Variants in HECW1 observed in about 807,000 individuals in gnomAD.
The protein encoded by HECW1 is HECT, C2 and WW domain containing E3 ubiquitin protein ligase 1, also known as E3 ubiquitin-protein ligase HECW1.
A neutral mutation model predicts 182.3 loss-of-function variants in HECW1; 61 were observed. That is an observed-to-expected ratio of 0.33 (90% confidence interval 0.27 to 0.41). The LOEUF is 0.41. HECW1 is among the 10% of genes least tolerant of loss of function. HECW1 has a pLI of 1.00. For synonymous variants in HECW1, 859 were observed against 832.6 expected, an observed-to-expected ratio of 1.03 and a Z score of -0.55; for missense variants, 1,739 against 2,108.9, an observed-to-expected ratio of 0.82 and a Z score of 3.44.
At chr7:43,296,847 C>T (rs1413704039) in intron 3 of HECW1, among the ~76,000 whole-genome samples, 2 of 152,202 alleles carry the variant, frequency 1.3e-5, no homozygotes, top group African/African-American at 4.8e-5. Context: ...GTGTCCTCCA[C>T]TTGCCCAAGT....
At chr7:43,311,738 G>T in intron 3 of HECW1, 25 bp from the exon 4 acceptor site, 2 of 1,610,874 alleles carry the variant, frequency 1.2e-6, no homozygotes, top group Non-Finnish European at 1.7e-6. Context: ...CCCTGACCCT[G>T]CTCACTGTCT....
chr7:43,471,343 C>G (rs1438845288), intron 16 of HECW1, among the ~76,000 whole-genome samples: 1 of 152,226 alleles, frequency 6.6e-6, no homozygotes, highest in African/African-American at 2.4e-5. Context: ...CCATAGCTCA[C>G]TATGCAAAAG....
intron 26 of HECW1, among the ~76,000 whole-genome samples, chr7:43,546,219 C>CTTTTTTTT (rs34255651): frequency 2.2e-5 from 2 of 91,872 alleles, no homozygotes; most frequent in African/African-American, 4.2e-5. Context: ...TACCCCCAAC[C>CTTTTTTTT]TTTTTTTTTT....
At chr7:43,131,221 T>G (rs925987685) in intron 2 of HECW1, among the ~76,000 whole-genome samples, 2 of 152,138 alleles carry the variant, frequency 1.3e-5, no homozygotes. Context: ...GCCGAGATCT[T>G]GCCACTGCAC....
chr7:43,452,291 A>G (rs1484615201), intron 12 of HECW1, among the ~76,000 whole-genome samples: 2 of 152,244 alleles, frequency 1.3e-5, no homozygotes, highest in Non-Finnish European at 2.9e-5. Context: ...CTTTCAATGC[A>G]TGAATCTACT....
intron 8 of HECW1, among the ~76,000 whole-genome samples, chr7:43,426,520 G>T (rs1439643160): frequency 1.3e-5 from 2 of 152,090 alleles, no homozygotes; most frequent in Non-Finnish European, 2.9e-5. Flanking sequence ...TACTGTTTTT[G>T]ATTTGCAGCT....
intron 2 of HECW1, among the ~76,000 whole-genome samples, chr7:43,225,409 A>G (rs1352549501): frequency 2.0e-5 from 3 of 152,220 alleles, no homozygotes; most frequent in South Asian, 4.1e-4. Context: ...GGGCTTGTGC[A>G]TACCCTGGGG....
chr7:43,272,554 C>G (rs192779415), intron 3 of HECW1, among the ~76,000 whole-genome samples: 29 of 152,018 alleles, frequency 1.9e-4, no homozygotes, highest in Non-Finnish European at 4.1e-4. Flanking sequence ...ATATAAGCAG[C>G]CAGCAAACAT....
rs577309145 is a variant in HECW1, at chr7:43,243,221, A to G, written c.-31-654A>G. ...GAGGGCCCTGACAGATGATGCCGTC[A>G]GCAACTGTCCCATGCCTGGCATCTC... On this transcript the variant is annotated intron_variant, in intron 2 of 29. Transcript: ENST00000395891. This position sits in a 1 kb window ranked among gnomAD's most constrained non-coding sequence, Gnocchi z 4.0. 1.4e-4 allele frequency among the ~76,000 whole-genome samples: 21 copies of G among 152,208 alleles called. No homozygotes were observed. The highest frequency in any genetic ancestry group is 2.9e-4 in the Non-Finnish European group (20 of 68,028).
intron 2 of HECW1, among the ~76,000 whole-genome samples, chr7:43,206,013 G>A (rs1795444587): frequency 6.6e-6 from 1 of 152,194 alleles, no homozygotes; most frequent in Admixed American, 6.5e-5. Context: ...TTCCTCCCCT[G>A]GACACTGAAA....
intron 26 of HECW1, among the ~76,000 whole-genome samples, chr7:43,546,449 G>A (rs1283402695): frequency 6.6e-6 from 1 of 151,808 alleles, no homozygotes; most frequent in East Asian, 1.9e-4. Context: ...CATCCATAGT[G>A]TTGACATCCT....
At chr7:43,359,751 T>A (rs762132404) in intron 5 of HECW1, among the ~76,000 whole-genome samples, 1 of 152,236 alleles carries the variant, frequency 6.6e-6, no homozygotes, top group Non-Finnish European at 1.5e-5. Flanking sequence ...TTTAAAATGA[T>A]AATTGAAGGC....
intron 3 of HECW1, among the ~76,000 whole-genome samples, chr7:43,262,260 G>A (rs1801262345): frequency 6.6e-6 from 1 of 151,906 alleles, no homozygotes; most frequent in African/African-American, 2.4e-5. Flanking sequence ...GTGTGTGTGT[G>A]TGTGTATAAC....
Position 43,342,949 on chromosome 7 carries a change from C to G in HECW1, c.461-17937C>G, listed in dbSNP as rs912869090. The stretch of plus-strand genomic sequence containing the variant: ...GCTGAGGCAGGAGAATGGCATGAAC[C>G]TGGGAGGTGGAGCTGGCAGTGAGCC... On this transcript the variant is annotated intron_variant, in intron 5 of 29. Coordinates refer to ENST00000395891, the MANE Select transcript of HECW1 (RefSeq NM_015052.5). Among the ~76,000 whole-genome samples the G allele has an allele frequency of 7.9e-5, 12 of 151,558 alleles. 1 individual carries two copies. The highest frequency in any genetic ancestry group is 2.9e-4 in the African/African-American group (12 of 40,898).
chr7:43,355,760 G>C (rs1205720820), intron 5 of HECW1, among the ~76,000 whole-genome samples: 1 of 152,126 alleles, frequency 6.6e-6, no homozygotes, highest in Non-Finnish European at 1.5e-5. Flanking sequence ...GGAGGCTGAG[G>C]CAGGCAGATC....
intron 2 of HECW1, among the ~76,000 whole-genome samples, chr7:43,137,367 C>T (rs1562585307): frequency 6.6e-6 from 1 of 152,248 alleles, no homozygotes; most frequent in East Asian, 1.9e-4. Context: ...TCTAGACCCT[C>T]CAGAGATGTG....
intron 3 of HECW1, among the ~76,000 whole-genome samples, chr7:43,306,003 G>T (rs188811747): frequency 6.6e-6 from 1 of 151,912 alleles, no homozygotes; most frequent in African/African-American, 2.4e-5. Context: ...CAGATGATCC[G>T]CCCACCTCAG....
chr7:43,341,890 A>G (rs139225242), intron 5 of HECW1, among the ~76,000 whole-genome samples: 3 of 151,940 alleles, frequency 2.0e-5, no homozygotes, highest in African/African-American at 7.3e-5. Flanking sequence ...TGATAATTTT[A>G]CTACAAAAAT....
At chr7:43,519,252 C>CTTT (rs879834750) in intron 24 of HECW1, among the ~76,000 whole-genome samples, 1 of 143,940 alleles carries the variant, frequency 6.9e-6, no homozygotes, top group South Asian at 2.2e-4. Context: ...AGAGTGCAGA[C>CTTT]TTTTTTTTTT....
Sources: allele counts gnomAD v4.1 joint callset (sites outside exome capture counted in the v4.1 genomes callset), GRCh38; gene constraint gnomAD v4.1.1; non-coding constraint Gnocchi (gnomAD v3.1); transcripts MANE v1.5; gene names NCBI Gene and HGNC (gene_info 2026-07-23, HGNC 2026-07-21).